The following MAP3K6 variants were observed in gnomAD, a reference collection of about 807,000 sequenced individuals.
MAP3K6 encodes the protein mitogen-activated protein kinase kinase kinase 6.
MAP3K6 carries 105 observed loss-of-function variants against 147.1 expected under a neutral mutation model. The ratio of observed to expected loss-of-function variants is 0.71; its 90% CI spans 0.61 to 0.84. The LOEUF (loss-of-function observed/expected upper bound fraction) is 0.84. MAP3K6 is among the 40% of genes least tolerant of loss of function. The probability of loss-of-function intolerance (pLI) is 0.00; values close to 1 mark genes in which losing one functional copy is unlikely to be tolerated. For synonymous variants in MAP3K6, 695 were observed against 732.4 expected, an observed-to-expected ratio of 0.95 and a Z score of 0.82; for missense variants, 1,569 against 1,715.0, an observed-to-expected ratio of 0.91 and a Z score of 1.50.
At position 27,364,886 on chromosome 1, in the gene MAP3K6, A is replaced by G. The variant is rs1030410255; in HGVS notation, c.367T>C (p.Ser123Pro). The G allele has an allele frequency of 1.2e-6, 2 of 1,601,810 alleles. No homozygotes were observed. Among genetic ancestry groups the G allele is most frequent in the Non-Finnish European group, 1.7e-6 (2 of 1,171,228 alleles). Residue 123 changes from serine to proline, a missense_variant, in exon 2 of 29, where the codon TCG becomes CCG. Ser to Pro is a moderately conservative substitution (Grantham distance 74). Coordinates refer to ENST00000357582, the MANE Select transcript of MAP3K6 (RefSeq NM_004672.5). This position sits in a 1 kb window ranked among gnomAD's most constrained non-coding sequence, Gnocchi z 4.4. ...TAGAACAGGGAGGGCTGTACCAGCG[A>G]GCTGCTCACCTCCAGCACCACCACA... is the stretch of plus-strand genomic sequence containing the variant. ...ADVVVLEVSSSLVQPSLFYHL... is the reference protein window; with the variant it reads ...ADVVVLEVSSPLVQPSLFYHL...
Position 27,366,368 on chromosome 1 carries a change from T to A in MAP3K6, c.230A>T (p.Glu77Val). 3 of 1,270,058 alleles carry A rather than the reference T, an allele frequency of 2.4e-6. No homozygotes were observed. The highest frequency in any genetic ancestry group is 3.0e-6 in the Non-Finnish European group (3 of 1,009,002). 78.7% of individuals were successfully genotyped at this position (1,270,058 alleles called of 1,614,324 possible). A position where few individuals can be genotyped will look rare whatever the true frequency, so the allele number is the denominator to read the frequency against. Residue 77 changes from glutamate (E) to valine (V), a missense_variant, in exon 1 of 29, where the codon GAG (glutamate) becomes GTG (valine). Coordinates refer to ENST00000357582, the MANE Select transcript of MAP3K6 (RefSeq NM_004672.5). The surrounding 1 kb of genome is among the most constrained non-coding windows in gnomAD (Gnocchi z 5.5). ...CGGCCGGGGGACCTGCGCGCAAGCC[T>A]CGCGCAGGCAGCGCAGGGGCAGCGG... Reference protein sequence around the residue: ...AEPLPLRCLREACAQVPRPRP... With the variant: ...AEPLPLRCLRVACAQVPRPRP...
chr1:27,366,456 C>A lies in MAP3K6; in HGVS notation c.142G>T (p.Val48Phe). Residue 48 changes from valine (V) to phenylalanine (F), a missense_variant, in exon 1 of 29, where the codon GTC becomes TTC. Physicochemically the swap from Val to Phe is conservative, Grantham distance 50. Transcript: ENST00000357582. This position sits in a 1 kb window ranked among gnomAD's most constrained non-coding sequence, Gnocchi z 5.5. ...TGCGGCTCCCGGGTCAGCACGTAGACCACGCTGAGCGGCCGGCTCCGCGCG... is the reference window on the plus strand; with the variant it reads ...TGCGGCTCCCGGGTCAGCACGTAGAACACGCTGAGCGGCCGGCTCCGCGCG... The part of the protein sequence containing the change: ...GCARSRPLSV[V>F]YVLTREPQPG... 8.3e-7 allele frequency: 1 copy of A among 1,202,830 alleles called. No homozygotes were observed. The highest frequency in any genetic ancestry group is 4.1e-5 in the South Asian group (1 of 24,426). 74.5% of individuals were successfully genotyped at this position (1,202,830 alleles called of 1,614,324 possible).
At position 27,357,044 on chromosome 1, in the gene MAP3K6, C is replaced by T. The variant is rs764783731; in HGVS notation, c.3329G>A (p.Arg1110His). 1 of 1,614,040 alleles carries T rather than the reference C, an allele frequency of 6.2e-7. No individual in the cohort carries two copies. Among genetic ancestry groups the T allele is most frequent in the Non-Finnish European group, 8.5e-7 (1 of 1,180,012 alleles). Residue 1110 changes from arginine (R) to histidine (H), a missense_variant, in exon 24 of 29, where the codon CGT (arginine) becomes CAT (histidine). By Grantham distance (29) the Arg-to-His change is conservative. Coordinates refer to ENST00000357582, the MANE Select transcript of MAP3K6 (RefSeq NM_004672.5). ...WMFVLDSLLSRAVRAALGVLG... is the reference protein window; with the variant it reads ...WMFVLDSLLSHAVRAALGVLG... ...CACACCCAGGGCTGCCCGCACAGCACGGCTGAGCAGTGAGTCCAGAACGAA... is the reference window on the plus strand; with the variant it reads ...CACACCCAGGGCTGCCCGCACAGCATGGCTGAGCAGTGAGTCCAGAACGAA...
chr1:27,361,077 G>A, intron 13 of MAP3K6, 69 bp from the exon 14 acceptor site: 4 of 1,535,306 alleles, frequency 2.6e-6, no homozygotes, highest in Non-Finnish European at 2.6e-6. Context: ...AGCATCCAAC[G>A]GACGTCGTCC....
rs2015708583 is a variant in MAP3K6, at chr1:27,360,509, C to G, written c.2055-141G>C. ...CCTTCCCCACCCTTACTACCCTGCC[C>G]ACAGGACCCTCCAGACCTCAATCCC... On this transcript the variant is annotated intron_variant, in intron 15 of 28. Transcript: ENST00000357582. The surrounding 1 kb of genome is among the most constrained non-coding windows in gnomAD (Gnocchi z 4.5). The G allele has an allele frequency of 7.4e-7, 1 of 1,344,980 alleles. No homozygotes were observed. The highest frequency in any genetic ancestry group is 1.5e-5 in the African/African-American group (1 of 68,236). The allele number at this position is 1,344,980 out of a possible 1,614,324, so 83.3% of individuals were successfully genotyped here. A position where few individuals can be genotyped will look rare whatever the true frequency, so the allele number is the denominator to read the frequency against.
At position 27,358,222 on chromosome 1, in the gene MAP3K6, G is replaced by A. The variant is rs1195808437; in HGVS notation, c.2874C>T (p.Pro958=). The A allele has an allele frequency of 3.8e-6, 6 of 1,596,866 alleles. No homozygotes were observed. The highest frequency in any genetic ancestry group is 1.1e-5 in the South Asian group (1 of 88,660). The change falls in exon 21 of 29, where the codon CCC becomes CCT. Residue 958 remains proline, a synonymous_variant. Transcript: ENST00000357582. The surrounding 1 kb of genome is among the most constrained non-coding windows in gnomAD (Gnocchi z 6.2). ...PQAPSQHPPS[P]PKRCLSYGGT... is the part of the protein sequence containing the mutation. ...CCCCATAACTGAGGCAGCGCTTCGG[G>A]GGGCTGGGTGGGTGCTGAGAGGGTG...
intron 26 of MAP3K6, 71 bp from the exon 27 acceptor site, chr1:27,356,170 G>C: frequency 7.1e-7 from 1 of 1,405,398 alleles, no homozygotes; most frequent in African/African-American, 1.4e-5. Context: ...CCCACCAATA[G>C]TGTTCTCCAG....
In MAP3K6 at chr1:27,356,687, GCTGGGAGTCCCCTT is replaced by G. The variant is rs1467463657; in HGVS notation, c.3413_3426del (p.Glu1138AlafsTer32). ...AGCGGGCTCTGCTGGCCTGGGCTCT[GCTGGGAGTCCCCTT>G]CATTACTCAGCTCCTCTGACCTCGG... On this transcript the variant is annotated frameshift_variant, in exon 25 of 29. Coordinates refer to ENST00000357582, the MANE Select transcript of MAP3K6 (RefSeq NM_004672.5). LOFTEE classifies it high-confidence loss of function. 3 of 1,609,054 alleles carry G rather than the reference GCTGGGAGTCCCCTT, an allele frequency of 1.9e-6. No homozygotes were observed. The highest frequency in any genetic ancestry group is 2.5e-6 in the Non-Finnish European group (3 of 1,177,518).
chr1:27,355,544 G>C, intron 28 of MAP3K6, 75 bp from the exon 29 acceptor site: 1 of 1,576,794 alleles, frequency 6.3e-7, no homozygotes, highest in Non-Finnish European at 8.7e-7. Context: ...TGTCTGCCCA[G>C]TGCCCCCTCT....
chr1:27,360,631 G>T lies in MAP3K6; in HGVS notation c.2054+74C>A. On this transcript the variant is annotated intron_variant, in intron 15 of 28. Transcript: ENST00000357582. This position sits in a 1 kb window ranked among gnomAD's most constrained non-coding sequence, Gnocchi z 4.5. ...CGCCCACTAGGCCCCGCCCACAGGA[G>T]CCGCTCCGCTCGTGGCCCGGCTCAC... 6.5e-7 allele frequency: 1 copy of T among 1,530,006 alleles called. No homozygotes were observed. Among genetic ancestry groups the T allele is most frequent in the Non-Finnish European group, 8.8e-7 (1 of 1,141,882 alleles). The allele number at this position is 1,530,006 out of a possible 1,614,324, so 94.8% of individuals were successfully genotyped here.
chr1:27,356,439 G>T lies in MAP3K6; in HGVS notation c.3586C>A (p.Gln1196Lys), dbSNP rs903193392. ...GTCCGGGCTTCCTCATTCAGCCGCT[G>T]TAGAGCCCGCTGCACCAGGGCCTGG... ...EYQALVQRAL[Q>K]RLNEEARTYV... Residue 1196 changes from glutamine to lysine, a missense_variant, in exon 26 of 29, where the codon CAG (glutamine) becomes AAG (lysine). Transcript: ENST00000357582. 1.9e-6 allele frequency: 3 copies of T among 1,613,704 alleles called. No homozygotes were observed. The highest frequency in any genetic ancestry group is 2.5e-6 in the Non-Finnish European group (3 of 1,179,970).
rs200851128 is a variant in MAP3K6 at position 27,360,818 on chromosome 1, C to T, written c.1941G>A (p.Glu647=). The change falls in exon 15 of 29, where the codon GAG becomes GAA. Residue 647 remains glutamate (E), a synonymous_variant. Coordinates refer to ENST00000357582, the MANE Select transcript of MAP3K6 (RefSeq NM_004672.5). This position sits in a 1 kb window ranked among gnomAD's most constrained non-coding sequence, Gnocchi z 4.5. The part of the protein sequence containing the change: ...EMLEFDYEYT[E]TGERLVLGKG... Reference sequence around the variant, plus strand: ...TGCCCAGCACCAGCCGCTCGCCCGTCTCCGTGTACTCATAATCAAACTGCC... The same window carrying T: ...TGCCCAGCACCAGCCGCTCGCCCGTTTCCGTGTACTCATAATCAAACTGCC... 1 of 1,612,868 alleles carries T rather than the reference C, an allele frequency of 6.2e-7. No homozygotes were observed. The highest frequency in any genetic ancestry group is 8.5e-7 in the Non-Finnish European group (1 of 1,179,872).
In MAP3K6 at chr1:27,366,285, C is replaced by T; in HGVS notation, c.313G>A (p.Ala105Thr). The T allele has an allele frequency of 1.5e-6, 2 of 1,338,616 alleles. No individual in the cohort carries two copies. The highest frequency in any genetic ancestry group is 9.6e-7 in the Non-Finnish European group (1 of 1,045,790). 82.9% of individuals were successfully genotyped at this position (1,338,616 alleles called of 1,614,324 possible). The part of the protein sequence containing the change: ...PFGTLELGDT[A>T]ALDAFYNADV... ...GCGTTGTAGAAGGCATCCAGAGCCG[C>T]GGTGTCGCCTAGCTCCAGCGTCCCG... The change falls in exon 1 of 29, where the codon GCG becomes ACG. Residue 105 changes from alanine to threonine, a missense_variant. Transcript: ENST00000357582. This position sits in a 1 kb window ranked among gnomAD's most constrained non-coding sequence, Gnocchi z 5.5.
chr1:27,359,753 G>A lies in MAP3K6; in HGVS notation c.2319+105C>T. 1 of 1,528,038 alleles carries A rather than the reference G, an allele frequency of 6.5e-7. No homozygotes were observed. The highest frequency in any genetic ancestry group is 1.2e-5 in the South Asian group (1 of 82,750). 94.7% of individuals were successfully genotyped at this position (1,528,038 alleles called of 1,614,324 possible). On this transcript the variant is annotated intron_variant, in intron 17 of 28. Coordinates refer to ENST00000357582, the MANE Select transcript of MAP3K6 (RefSeq NM_004672.5). The surrounding 1 kb of genome is among the most constrained non-coding windows in gnomAD (Gnocchi z 4.4). Reference sequence around the variant, plus strand: ...CTCCCTGATGAATTCCCTACCCTTTGCAACAGGTCTGCTCACTTAATCTAA... The same window carrying A: ...CTCCCTGATGAATTCCCTACCCTTTACAACAGGTCTGCTCACTTAATCTAA...
chr1:27,356,745 C>A lies in MAP3K6; in HGVS notation c.3369G>T (p.Val1123=). Residue 1123 remains valine (V), a synonymous_variant, in exon 25 of 29, where the codon GTG becomes GTT. Transcript: ENST00000357582. ...RAALGVLGPE[V]EKEAVSPRSE... ...ACCTCGGTGAGACCGCCTCCTTCTC[C>A]ACCTCTGCAGCCCAGTGCGGTGAAC... The A allele has an allele frequency of 6.4e-7, 1 of 1,563,136 alleles. No homozygotes were observed. The highest frequency in any genetic ancestry group is 8.7e-7 in the Non-Finnish European group (1 of 1,154,492).
In MAP3K6 at chr1:27,358,156, C is replaced by T. The variant is rs879149831; in HGVS notation, c.2915+25G>A. The T allele has an allele frequency of 6.4e-7, 1 of 1,554,230 alleles. No homozygotes were observed. ...AAAAGGCAAAACCAGGCAAAAGGAACCCATCCCAGGAGCCTTGGTCTCACC... is the reference window on the plus strand; with the variant it reads ...AAAAGGCAAAACCAGGCAAAAGGAATCCATCCCAGGAGCCTTGGTCTCACC... On this transcript the variant is annotated intron_variant, in intron 21 of 28. Coordinates refer to ENST00000357582, the MANE Select transcript of MAP3K6 (RefSeq NM_004672.5). This position sits in a 1 kb window ranked among gnomAD's most constrained non-coding sequence, Gnocchi z 6.2.
rs1038652927 is a variant in MAP3K6 at position 27,355,476 on chromosome 1, G to T, written c.3789-7C>A. ...GCGGCATACCATCCCTCCCCTGGGG[G>T]TAATGGACTCAGTGTGGCTCAGCCA... On this transcript the variant is annotated splice_region_variant and splice_polypyrimidine_tract_variant and intron_variant, in intron 28 of 28. Transcript: ENST00000357582. 1 of 1,613,958 alleles carries T rather than the reference G, an allele frequency of 6.2e-7. No individual in the cohort carries two copies. The highest frequency in any genetic ancestry group is 1.1e-5 in the South Asian group (1 of 91,060).
At position 27,360,063 on chromosome 1, in the gene MAP3K6, C is replaced by T; in HGVS notation, c.2183-69G>A. The T allele has an allele frequency of 6.2e-7, 1 of 1,601,286 alleles. No homozygotes were observed. The highest frequency in any genetic ancestry group is 2.2e-5 in the East Asian group (1 of 44,678). ...CCAGCCCACATCTCTCTGCTCAAGG[C>T]CCAGACACACCCATGTTGTAGCCCA... On this transcript the variant is annotated intron_variant, in intron 16 of 28. Coordinates refer to ENST00000357582, the MANE Select transcript of MAP3K6 (RefSeq NM_004672.5). This position sits in a 1 kb window ranked among gnomAD's most constrained non-coding sequence, Gnocchi z 4.5.
chr1:27,361,095 TC>T, intron 13 of MAP3K6, 61 bp downstream of exon 13: 2 of 1,540,024 alleles, frequency 1.3e-6, no homozygotes, highest in South Asian at 1.2e-5. Flanking sequence ...TCCCTTTCTT[TC>T]CCCCACTCCC....
Sources: allele counts gnomAD v4.1 joint callset, GRCh38; gene constraint gnomAD v4.1.1; non-coding constraint Gnocchi (gnomAD v3.1); transcripts MANE v1.5; gene names NCBI Gene and HGNC (gene_info 2026-07-23, HGNC 2026-07-21).